Variants in NDC80 observed in about 807,000 individuals in gnomAD.
The protein encoded by NDC80 is NDC80 kinetochore complex component, also known as kinetochore protein NDC80 homolog.
Under a neutral mutation model 89.3 loss-of-function variants are expected in NDC80, and 69 were observed. That is an observed-to-expected ratio of 0.77 (90% CI 0.64 to 0.94). The LOEUF (loss-of-function observed/expected upper bound fraction) is 0.94. NDC80 is among the 40% of genes least tolerant of loss of function. The pLI is 0.00. For missense variants in NDC80, 593 were observed against 739.6 expected (o/e 0.80, Z 2.30); for synonymous variants, 243 against 255.6 (o/e 0.95, Z 0.47).
At chr18:2,598,319 A>G (rs2072667920) in intron 11 of NDC80, among the ~76,000 whole-genome samples, 1 of 152,214 alleles carries the variant, frequency 6.6e-6, no homozygotes, top group African/African-American at 2.4e-5. Flanking sequence ...TTAAGTATCT[A>G]CTATATGCCA....
chr18:2,595,383 A>T, intron 10 of NDC80, 33 bp from the exon 11 acceptor site: 1 of 1,533,076 alleles, frequency 6.5e-7, no homozygotes, highest in Non-Finnish European at 9.0e-7. Context: ...GGAATTGAAG[A>T]TACATTAAAA....
At chr18:2,604,709 A>G (rs918296865) in intron 13 of NDC80, among the ~76,000 whole-genome samples, 3 of 152,134 alleles carry the variant, frequency 2.0e-5, no homozygotes, top group African/African-American at 4.8e-5. Context: ...AGCACAGCAT[A>G]TTAGTAAATT....
chr18:2,582,054 TTTTGTTTG>T (rs141481220), intron 6 of NDC80: 50,640 of 150,638 alleles, frequency 0.34, 8,752 homozygotes, highest in African/African-American at 0.4. Context: ...TATGGTGGTT[TTTTGTTTG>T]TTTGTTTGTT....
intron 6 of NDC80, chr18:2,579,313 C>T (rs2072564258): frequency 7.2e-6 from 2 of 277,208 alleles, no homozygotes; most frequent in Non-Finnish European, 1.3e-5. Flanking sequence ...TTCGTTTTTA[C>T]CCTTTTTAAT....
intron 5 of NDC80, 31 bp downstream of exon 5, chr18:2,578,172 T>C: frequency 6.4e-7 from 1 of 1,568,452 alleles, no homozygotes; most frequent in Non-Finnish European, 8.7e-7. Context: ...TTTAGAGACA[T>C]GACTGGCACA....
intron 11 of NDC80, among the ~76,000 whole-genome samples, chr18:2,597,036 G>T (rs1307814097): frequency 6.6e-6 from 1 of 151,998 alleles, no homozygotes; most frequent in Non-Finnish European, 1.5e-5. Flanking sequence ...TGGGGTGGGG[G>T]AGAGGGGAGG....
intron 16 of NDC80, chr18:2,614,912 T>C (rs1029728131): frequency 6.6e-6 from 1 of 152,234 alleles, no homozygotes; most frequent in African/African-American, 2.4e-5. Context: ...AGGCCCTAAA[T>C]CTAGTGACTG....
intron 1 of NDC80, 100 bp from the exon 2 acceptor site, chr18:2,572,877 C>CAATGA: frequency 1.2e-6 from 1 of 819,960 alleles, no homozygotes; most frequent in East Asian, 2.7e-5. Flanking sequence ...CTTGAAGAAA[C>CAATGA]AATGAAACCT....
intron 14 of NDC80, among the ~76,000 whole-genome samples, chr18:2,607,829 AT>A (rs1386303456): frequency 6.6e-6 from 1 of 150,690 alleles, no homozygotes; most frequent in African/African-American, 2.4e-5. Flanking sequence ...ACAAACATAT[AT>A]TTTTTTAATG....
intron 16 of NDC80, chr18:2,614,865 A>T (rs1179024656): frequency 6.6e-6 from 1 of 152,474 alleles, no homozygotes; most frequent in Non-Finnish European, 1.5e-5. Context: ...GGATTAGGGT[A>T]GCAGTTGGTT....
chr18:2,610,754 T>C lies in NDC80; in HGVS notation c.1689-5T>C, dbSNP rs185281446. 84 of 1,571,294 alleles carry C rather than the reference T, an allele frequency of 5.3e-5. 1 individual carries two copies. The Middle Eastern group carries it at 1.0e-3, about 19-fold the overall frequency. On this transcript the variant is annotated splice_region_variant and splice_polypyrimidine_tract_variant and intron_variant, in intron 15 of 16. Coordinates refer to ENST00000261597, the MANE Select transcript of NDC80 (RefSeq NM_006101.3). Reference sequence around the variant, plus strand: ...ACAACTTAAACAAGAGTTTTTGTTCTACAGATACCAACTAGTTGTGCAAAC... The same window carrying C: ...ACAACTTAAACAAGAGTTTTTGTTCCACAGATACCAACTAGTTGTGCAAAC...
In NDC80 at chr18:2,615,581, C is replaced by A. The variant is rs956686200; in HGVS notation, c.1792-856C>A. 3.9e-5 allele frequency among the ~76,000 whole-genome samples: 6 copies of A among 152,190 alleles called. No individual in the cohort carries two copies. In the East Asian group the frequency reaches 5.8e-4, roughly 15 times the overall value. On this transcript the variant is annotated intron_variant, in intron 16 of 16. Coordinates refer to ENST00000261597, the MANE Select transcript of NDC80 (RefSeq NM_006101.3). ...CTTAACTTAGTCACATCTACAGTTT[C>A]TTTTGCTATGTAAGCTAATAGTCAC... is the stretch of plus-strand genomic sequence containing the variant.
At chr18:2,595,169 A>G (rs2072648006) in intron 10 of NDC80, among the ~76,000 whole-genome samples, 1 of 151,228 alleles carries the variant, frequency 6.6e-6, no homozygotes, top group East Asian at 1.9e-4. Flanking sequence ...AAGTAAGATC[A>G]AAAGAATTAT....
Position 2,610,539 on chromosome 18 carries a change from G to A in NDC80, c.1689-220G>A, listed in dbSNP as rs533760676. Among the ~76,000 whole-genome samples, 138 of 152,294 alleles carry A rather than the reference G, an allele frequency of 9.1e-4. 1 individual carries two copies. The South Asian group carries it at 0.028, about 31-fold the overall frequency. On this transcript the variant is annotated intron_variant, in intron 15 of 16. Coordinates refer to ENST00000261597, the MANE Select transcript of NDC80 (RefSeq NM_006101.3). The stretch of plus-strand genomic sequence containing the variant: ...CCAAAGCTTTATATGTTAAAACATG[G>A]TGCTCTTTTGTTTTGTTGCTTGCAA...
At chr18:2,578,706 G>A (rs2072561147) in intron 5 of NDC80, among the ~76,000 whole-genome samples, 1 of 152,164 alleles carries the variant, frequency 6.6e-6, no homozygotes, top group Admixed American at 6.5e-5. Context: ...TGGTTGTATA[G>A]GTCAAGTTCT....
chr18:2,610,671 T>C (rs2072738205), intron 15 of NDC80, 88 bp from the exon 16 acceptor site: 9 of 770,414 alleles, frequency 1.2e-5, no homozygotes, highest in Non-Finnish European at 1.8e-5. Flanking sequence ...TTTGGTTTTT[T>C]TGAATGTGGA....
At position 2,603,358 on chromosome 18, in the gene NDC80, T is replaced by TAC. The variant is rs1014417129; in HGVS notation, c.1464+1874_1464+1875insCA. On this transcript the variant is annotated intron_variant, in intron 13 of 16. Coordinates refer to ENST00000261597, the MANE Select transcript of NDC80 (RefSeq NM_006101.3). ...CAACAGAAGAGAATATGTTTATACATATATATATATATATATATATACACC... is the reference window on the plus strand; with the variant it reads ...CAACAGAAGAGAATATGTTTATACATACATATATATATATATATATATACACC... Among the ~76,000 whole-genome samples the TAC allele has an allele frequency of 4.0e-5, 3 of 74,588 alleles. No individual in the cohort carries two copies. In the East Asian group the frequency reaches 1.0e-3, roughly 26 times the overall value. The allele number at this position is 74,588 out of a possible 152,430, so 48.9% of individuals were successfully genotyped here.
intron 15 of NDC80, among the ~76,000 whole-genome samples, chr18:2,609,168 G>A (rs1178489858): frequency 1.3e-5 from 2 of 151,990 alleles, no homozygotes; most frequent in East Asian, 1.9e-4. Context: ...ATTCCACTAA[G>A]CTTTAATAAA....
intron 6 of NDC80, among the ~76,000 whole-genome samples, chr18:2,583,740 G>A (rs1296321135): frequency 1.3e-5 from 2 of 150,862 alleles, no homozygotes; most frequent in Admixed American, 6.6e-5. Flanking sequence ...AGGCCTTGTC[G>A]AAAAAAGACA....
Sources: allele counts gnomAD v4.1 joint callset (sites outside exome capture counted in the v4.1 genomes callset), GRCh38; gene constraint gnomAD v4.1.1; transcripts MANE v1.5; gene names NCBI Gene and HGNC (gene_info 2026-07-23, HGNC 2026-07-21).